GRIK2: variants seen among roughly 807,000 people sequenced by gnomAD.
GRIK2 encodes the protein glutamate receptor ionotropic, kainate 2.
GRIK2 carries 32 observed loss-of-function variants against 100.3 expected under a neutral mutation model. That is an observed-to-expected ratio of 0.32 (90% CI 0.24 to 0.43). GRIK2 has a LOEUF of 0.43. Ranked by LOEUF, GRIK2 falls within the 20% of genes least tolerant of loss-of-function variation. The pLI is 1.00. For synonymous variants in GRIK2, 417 were observed against 389.4 expected, an observed-to-expected ratio of 1.07 and a Z score of -0.83; for missense variants, 843 against 1,114.9, an observed-to-expected ratio of 0.76 and a Z score of 3.47.
chr6:101,598,662 A>G (rs1417733675), intron 2 of GRIK2, among the ~76,000 whole-genome samples: 3 of 151,200 alleles, frequency 2.0e-5, no homozygotes, highest in Non-Finnish European at 4.4e-5. Flanking sequence ...AAGGAAAAAA[A>G]AGTATTCTAC....
In GRIK2 at chr6:101,563,942, TAGAAG is replaced by T. The variant is rs1184767712; in HGVS notation, c.116-58003_116-57999del. On this transcript the variant is annotated intron_variant, in intron 2 of 16. Coordinates refer to ENST00000369134, the MANE Select transcript of GRIK2 (RefSeq NM_021956.5). ...TGCAACAAACAATACAAAAATTTAA[TAGAAG>T]AGATGTAATATTCAATATTTCTATT... 2.6e-5 allele frequency among the ~76,000 whole-genome samples: 4 copies of T among 152,272 alleles called. No homozygotes were observed. The East Asian group carries it at 5.8e-4, about 22-fold the overall frequency.
At position 101,760,945 on chromosome 6, in the gene GRIK2, A is replaced by G. The variant is rs542127345; in HGVS notation, c.952-38703A>G. Among the ~76,000 whole-genome samples the G allele has an allele frequency of 1.1e-4, 17 of 151,820 alleles. No individual in the cohort carries two copies. The South Asian group carries it at 3.3e-3, about 30-fold the overall frequency. ...AGTGTCTGTCTCATATGAGATACTT[A>G]ATACATGTTAAATAGTAATAAGAAT... On this transcript the variant is annotated intron_variant, in intron 7 of 16. Coordinates refer to ENST00000369134, the MANE Select transcript of GRIK2 (RefSeq NM_021956.5).
At chr6:101,447,924 C>T (rs532619338) in intron 2 of GRIK2, among the ~76,000 whole-genome samples, 1 of 151,690 alleles carries the variant, frequency 6.6e-6, no homozygotes, top group East Asian at 1.9e-4. Context: ...TTGTCATTGT[C>T]CCAATTACAA....
rs116714285 is a variant in GRIK2 at position 101,888,248 on chromosome 6, T to C, written c.1525-1392T>C. On this transcript the variant is annotated intron_variant, in intron 11 of 16. Coordinates refer to ENST00000369134, the MANE Select transcript of GRIK2 (RefSeq NM_021956.5). ...TAGATTCCCACACCTTGACTTTATA[T>C]CCTGGTTCCAATGATTAATTAACTC... Among the ~76,000 whole-genome samples the C allele has an allele frequency of 9.6e-3, 1,467 of 152,280 alleles. 18 individuals carry two copies. Among genetic ancestry groups the C allele is most frequent in the African/African-American group, 0.034 (1,401 of 41,572 alleles).
chr6:101,672,983 C>T (rs1260834451), intron 4 of GRIK2, among the ~76,000 whole-genome samples: 1 of 152,118 alleles, frequency 6.6e-6, no homozygotes, highest in African/African-American at 2.4e-5. Context: ...TTTAAGAAAT[C>T]TCCAGACTGC....
chr6:101,969,838 G>A (rs9485572), intron 14 of GRIK2, among the ~76,000 whole-genome samples: 2,483 of 152,114 alleles, frequency 0.016, 73 homozygotes, highest in African/African-American at 0.058. Context: ...CAAATTGTAT[G>A]TGAAAGACTT....
intron 14 of GRIK2, among the ~76,000 whole-genome samples, chr6:101,970,207 A>AT (rs3029072): frequency 0.16 from 23,353 of 149,478 alleles, 4,648 homozygotes; most frequent in African/African-American, 0.47. Context: ...CAGAGTAATG[A>AT]TTTTTTTTTT....
chr6:102,055,907 GTTAA>G (rs1201260759), intron 16 of GRIK2, among the ~76,000 whole-genome samples: 7 of 151,766 alleles, frequency 4.6e-5, no homozygotes, highest in African/African-American at 1.4e-4. Flanking sequence ...ATGAGATACA[GTTAA>G]TTAAGTGAGT....
At chr6:101,585,317 GTGAGTA>G (rs1778307643) in intron 2 of GRIK2, among the ~76,000 whole-genome samples, 1 of 152,050 alleles carries the variant, frequency 6.6e-6, no homozygotes, top group Admixed American at 6.6e-5. Context: ...ATATACGTAT[GTGAGTA>G]TGAGTATGTG....
intron 12 of GRIK2, among the ~76,000 whole-genome samples, chr6:101,892,623 C>T (rs954198960): frequency 5.9e-5 from 9 of 151,772 alleles, no homozygotes; most frequent in Admixed American, 2.6e-4. Flanking sequence ...ATTTCAGCTT[C>T]TTATTCCACA....
intron 11 of GRIK2, among the ~76,000 whole-genome samples, chr6:101,874,335 AC>A (rs1296964936): frequency 6.6e-6 from 1 of 152,072 alleles, no homozygotes; most frequent in Non-Finnish European, 1.5e-5. Flanking sequence ...TTTTCCCAGC[AC>A]CATTTATTAA....
intron 2 of GRIK2, among the ~76,000 whole-genome samples, chr6:101,599,972 T>C (rs1423109966): frequency 1.3e-5 from 2 of 151,828 alleles, no homozygotes; most frequent in Non-Finnish European, 2.9e-5. Context: ...ATAAGTTCTT[T>C]CTCAAGGCCA....
At chr6:101,734,840 G>T (rs1775525387) in intron 7 of GRIK2, among the ~76,000 whole-genome samples, 1 of 152,186 alleles carries the variant, frequency 6.6e-6, no homozygotes, top group South Asian at 2.1e-4. Context: ...AGGAAAGGCA[G>T]AGAGAAAGGT....
At chr6:101,426,400 G>A (rs369872205) in intron 2 of GRIK2, among the ~76,000 whole-genome samples, 9 of 152,108 alleles carry the variant, frequency 5.9e-5, no homozygotes, top group East Asian at 5.8e-4. Flanking sequence ...ACCCTGCCAC[G>A]CTATTGAACA....
chr6:101,661,051 T>A (rs1769574755), intron 4 of GRIK2, among the ~76,000 whole-genome samples: 1 of 152,106 alleles, frequency 6.6e-6, no homozygotes, highest in African/African-American at 2.4e-5. Flanking sequence ...GCAGGAATGT[T>A]TAAGTCTGCT....
chr6:101,625,235 T>C (rs2128318174), intron 3 of GRIK2, among the ~76,000 whole-genome samples: 1 of 152,004 alleles, frequency 6.6e-6, no homozygotes, highest in East Asian at 1.9e-4. Context: ...TACCCAGGCT[T>C]GGTGGCATGT....
At chr6:101,606,974 T>C (rs1288402007) in intron 2 of GRIK2, among the ~76,000 whole-genome samples, 1 of 151,926 alleles carries the variant, frequency 6.6e-6, no homozygotes, top group African/African-American at 2.4e-5. Flanking sequence ...GAAAAACAAA[T>C]GGTGCTTTTA....
At chr6:101,425,314 G>A (rs1776644489) in intron 2 of GRIK2, among the ~76,000 whole-genome samples, 1 of 152,098 alleles carries the variant, frequency 6.6e-6, no homozygotes, top group South Asian at 2.1e-4. Context: ...AGAGACATTA[G>A]ATTTAATAAA....
intron 7 of GRIK2, among the ~76,000 whole-genome samples, chr6:101,750,241 T>C (rs1000660040): frequency 5.9e-5 from 9 of 152,172 alleles, no homozygotes; most frequent in Non-Finnish European, 1.0e-4. Flanking sequence ...AGGGACCAAG[T>C]TGGCCAGTGT....
Sources: gnomAD v4.1 joint callset for allele counts (sites outside exome capture counted in the v4.1 genomes callset) on GRCh38, gnomAD v4.1.1 for gene constraint, MANE v1.5 for transcripts, NCBI Gene and HGNC (gene_info 2026-07-23, HGNC 2026-07-21) for gene names.